Variants in MDGA2 observed in about 807,000 individuals in gnomAD.
MDGA2 encodes MAM domain containing glycosylphosphatidylinositol anchor 2.
A neutral mutation model predicts 117.8 loss-of-function variants in MDGA2; 40 were observed. That is an observed-to-expected ratio of 0.34 (90% CI 0.26 to 0.44). The LOEUF is 0.44. MDGA2 is among the 20% of genes least tolerant of loss of function. MDGA2 has a pLI of 1.00. For missense variants in MDGA2, 1,123 were observed against 1,250.6 expected (o/e 0.90, Z 1.54); for synonymous variants, 452 against 439.0 (o/e 1.03, Z -0.37).
At chr14:47,297,166 A>G (rs889486124) in intron 2 of MDGA2, among the ~76,000 whole-genome samples, 1 of 152,092 alleles carries the variant, frequency 6.6e-6, no homozygotes, top group African/African-American at 2.4e-5. Flanking sequence ...TCATTATCTC[A>G]CTTATTAAAA....
At chr14:47,113,291 T>C (rs577258991) in intron 5 of MDGA2, among the ~76,000 whole-genome samples, 1 of 152,032 alleles carries the variant, frequency 6.6e-6, no homozygotes, top group South Asian at 2.1e-4. Context: ...AGGCCTGAAA[T>C]TGAGGCAATA....
intron 1 of MDGA2, among the ~76,000 whole-genome samples, chr14:47,625,051 T>C (rs561964665): frequency 6.6e-6 from 1 of 152,296 alleles, no homozygotes; most frequent in Admixed American, 6.5e-5. Context: ...CTGCAATATA[T>C]ATGCCCTGAC....
At chr14:47,061,693 T>A (rs776344052) in intron 6 of MDGA2, 115 bp from the exon 7 acceptor site, 1 of 849,148 alleles carries the variant, frequency 1.2e-6, no homozygotes, top group Non-Finnish European at 1.8e-6. Flanking sequence ...AAAGTGTACA[T>A]ATATTTCTTT....
chr14:47,432,603 T>C (rs757956989), intron 1 of MDGA2, among the ~76,000 whole-genome samples: 14 of 152,180 alleles, frequency 9.2e-5, no homozygotes, highest in Middle Eastern at 6.8e-3. Flanking sequence ...AAAGGCCTTA[T>C]GAACTACCTT....
At position 47,153,781 on chromosome 14, in the gene MDGA2, G is replaced by A. The variant is rs371043789; in HGVS notation, c.596-9507C>T. On this transcript the variant is annotated intron_variant, in intron 3 of 16. Transcript: ENST00000399232. ...AAGGAAAAAGTGATAAAGAAGAAGA[G>A]AGGTAGAGTCAAAACAAATCAATAG... Among the ~76,000 whole-genome samples, 94 of 151,362 alleles carry A rather than the reference G, an allele frequency of 6.2e-4. 1 individual carries two copies. Among genetic ancestry groups the A allele is most frequent in the African/African-American group, 2.1e-3 (88 of 41,330 alleles).
At chr14:47,314,085 G>A (rs1034910502) in intron 1 of MDGA2, among the ~76,000 whole-genome samples, 4 of 152,146 alleles carry the variant, frequency 2.6e-5, no homozygotes, top group Non-Finnish European at 2.9e-5. Context: ...TAGAGATTGA[G>A]TAAGCACTGT....
At position 47,187,876 on chromosome 14, in the gene MDGA2, G is replaced by A. The variant is rs150573335; in HGVS notation, c.595+30145C>T. 5.3e-5 allele frequency among the ~76,000 whole-genome samples: 8 copies of A among 151,886 alleles called. No individual in the cohort carries two copies. In the East Asian group the frequency reaches 1.6e-3, roughly 29 times the overall value. On this transcript the variant is annotated intron_variant, in intron 3 of 16. Transcript: ENST00000399232. ...CCCTAGGAAAGGAAGGGTACATCGG[G>A]GATTTTAACTACATTGTTCATGTTT...
intron 1 of MDGA2, among the ~76,000 whole-genome samples, chr14:47,646,290 T>A (rs1897533341): frequency 6.6e-6 from 1 of 152,024 alleles, no homozygotes; most frequent in African/African-American, 2.4e-5. Context: ...ATACAATTAC[T>A]TCATTAAGCT....
chr14:47,175,434 C>CA (rs1566665538), intron 3 of MDGA2, among the ~76,000 whole-genome samples: 1 of 149,272 alleles, frequency 6.7e-6, no homozygotes, highest in Non-Finnish European at 1.5e-5. Flanking sequence ...AGCAGCACAT[C>CA]AAAAAGCTTA....
chr14:47,670,236 A>G lies in MDGA2; in HGVS notation c.280+4281T>C, dbSNP rs116730452. ...GAAAGCTATTTTTGGACAGTGAATTAACCATTTCAGGACACCAAATCACCG... is the reference window on the plus strand; with the variant it reads ...GAAAGCTATTTTTGGACAGTGAATTGACCATTTCAGGACACCAAATCACCG... On this transcript the variant is annotated intron_variant, in intron 1 of 16. Transcript: ENST00000399232. Among the ~76,000 whole-genome samples, 472 of 152,306 alleles carry G rather than the reference A, an allele frequency of 3.1e-3. 1 individual carries two copies. The highest frequency in any genetic ancestry group is 0.011 in the African/African-American group (444 of 41,574).
intron 1 of MDGA2, among the ~76,000 whole-genome samples, chr14:47,518,974 C>T (rs755820655): frequency 3.3e-5 from 5 of 152,136 alleles, no homozygotes; most frequent in East Asian, 1.9e-4. Context: ...GAAGCTGAGG[C>T]GGGCAGATCA....
intron 1 of MDGA2, among the ~76,000 whole-genome samples, chr14:47,610,185 A>G (rs1594942376): frequency 6.6e-6 from 1 of 152,174 alleles, no homozygotes; most frequent in African/African-American, 2.4e-5. Flanking sequence ...AATAAAAGTC[A>G]TCTATGACAA....
At chr14:46,873,058 C>T (rs1184340348) in intron 14 of MDGA2, among the ~76,000 whole-genome samples, 1 of 151,884 alleles carries the variant, frequency 6.6e-6, no homozygotes, top group African/African-American at 2.4e-5. Flanking sequence ...AATATAGCAA[C>T]ATGACAATAT....
intron 3 of MDGA2, among the ~76,000 whole-genome samples, chr14:47,216,050 A>G (rs1199416793): frequency 6.6e-6 from 1 of 152,120 alleles, no homozygotes; most frequent in Non-Finnish European, 1.5e-5. Flanking sequence ...TATTATTTCC[A>G]GTAAGGTGTG....
intron 6 of MDGA2, among the ~76,000 whole-genome samples, chr14:47,086,863 T>C (rs1455689409): frequency 2.6e-5 from 4 of 152,192 alleles, no homozygotes; most frequent in African/African-American, 9.7e-5. Context: ...ACATTGCCTA[T>C]GCTTCAGTTG....
At chr14:47,165,020 A>T (rs957597693) in intron 3 of MDGA2, among the ~76,000 whole-genome samples, 1 of 151,984 alleles carries the variant, frequency 6.6e-6, no homozygotes. Context: ...CAAACGCCAC[A>T]TGTTCTCACT....
At chr14:47,286,837 G>GTA (rs1340766807) in intron 2 of MDGA2, among the ~76,000 whole-genome samples, 3,797 of 97,798 alleles carry the variant, frequency 0.039, 83 homozygotes, top group Non-Finnish European at 0.056. Flanking sequence ...ATATATATAT[G>GTA]TATATATATA....
intron 1 of MDGA2, among the ~76,000 whole-genome samples, chr14:47,456,274 T>G (rs542059031): frequency 6.0e-5 from 9 of 149,662 alleles, no homozygotes; most frequent in African/African-American, 9.8e-5. Context: ...TGAGTCAGTG[T>G]GAGCAAGAAA....
rs1172717995 is a variant in MDGA2, at chr14:47,661,746, C to CTTTTT, written c.280+12766_280+12770dup. On this transcript the variant is annotated intron_variant, in intron 1 of 16. Coordinates refer to ENST00000399232, the MANE Select transcript of MDGA2 (RefSeq NM_001113498.3). ...GCAAAAAACGAAGTAATCAGAGTTT[C>CTTTTT]TTTTTTTTTTTTTTTTTTTTTTGAG... Among the ~76,000 whole-genome samples, 325 of 97,166 alleles carry CTTTTT rather than the reference C, an allele frequency of 3.3e-3. 4 individuals are homozygous for CTTTTT. Among genetic ancestry groups the CTTTTT allele is most frequent in the East Asian group, 4.9e-3 (14 of 2,858 alleles). 63.7% of individuals were successfully genotyped at this position (97,166 alleles called of 152,430 possible).
Sources: allele counts gnomAD v4.1 joint callset (sites outside exome capture counted in the v4.1 genomes callset), GRCh38; gene constraint gnomAD v4.1.1; transcripts MANE v1.5; gene names NCBI Gene and HGNC (gene_info 2026-07-23, HGNC 2026-07-21).